Variants in WDR70 observed in about 807,000 individuals in gnomAD.
WDR70 encodes WD repeat domain 70, also known as WD repeat-containing protein 70.
WDR70 carries 53 observed loss-of-function variants against 88.6 expected under a neutral mutation model. That is an observed-to-expected ratio of 0.60 (90% CI 0.48 to 0.75). The LOEUF (loss-of-function observed/expected upper bound fraction) is 0.75. WDR70 is among the 30% of genes least tolerant of loss of function. WDR70 has a pLI of 0.00. For synonymous variants in WDR70, 280 were observed against 270.0 expected (o/e 1.04, Z -0.36); for missense variants, 610 against 823.2 (o/e 0.74, Z 3.17).
intron 10 of WDR70, among the ~76,000 whole-genome samples, chr5:37,676,790 A>C (rs1253133262): frequency 6.6e-6 from 1 of 151,976 alleles, no homozygotes; most frequent in African/African-American, 2.4e-5. Flanking sequence ...TATTGATTGG[A>C]ATAGTTTCAG....
At chr5:37,496,045 G>A (rs537979445) in intron 8 of WDR70, among the ~76,000 whole-genome samples, 6 of 152,244 alleles carry the variant, frequency 3.9e-5, no homozygotes, top group East Asian at 3.9e-4. Context: ...TTTCTGGGTC[G>A]GGTGGGGACT....
At chr5:37,587,170 A>T (rs982831715) in intron 9 of WDR70, among the ~76,000 whole-genome samples, 26 of 151,998 alleles carry the variant, frequency 1.7e-4, no homozygotes, top group African/African-American at 6.3e-4. Flanking sequence ...CTGATTGTGT[A>T]ACCTAAGTCA....
intron 17 of WDR70, among the ~76,000 whole-genome samples, chr5:37,736,536 T>C (rs1000566198): frequency 6.6e-6 from 1 of 152,134 alleles, no homozygotes; most frequent in Non-Finnish European, 1.5e-5. Context: ...ATTGTCACTC[T>C]CCACTGTATT....
In WDR70 at chr5:37,619,687, G is replaced by A. The variant is rs77018403; in HGVS notation, c.1092+14449G>A. 2.6e-5 allele frequency among the ~76,000 whole-genome samples: 4 copies of A among 151,942 alleles called. No individual in the cohort carries two copies. In the East Asian group the frequency reaches 7.7e-4, roughly 29 times the overall value. ...TGCAACTGGAGAAGTGATGCAACCA[G>A]TGATGATTTGCACTCCAAAGCTCTT... On this transcript the variant is annotated intron_variant, in intron 10 of 17. Coordinates refer to ENST00000265107, the MANE Select transcript of WDR70 (RefSeq NM_018034.4).
intron 9 of WDR70, among the ~76,000 whole-genome samples, chr5:37,524,685 G>C (rs1171395818): frequency 6.6e-6 from 1 of 152,146 alleles, no homozygotes; most frequent in Non-Finnish European, 1.5e-5. Context: ...ACACAGACTG[G>C]CAAATTGGAT....
chr5:37,398,006 A>G (rs1345330545), intron 5 of WDR70, among the ~76,000 whole-genome samples: 1 of 151,896 alleles, frequency 6.6e-6, no homozygotes, highest in Non-Finnish European at 1.5e-5. Context: ...AAAAAAAAAA[A>G]AGATATAATC....
At chr5:37,726,553 A>G (rs924047144) in intron 16 of WDR70, among the ~76,000 whole-genome samples, 1 of 152,140 alleles carries the variant, frequency 6.6e-6, no homozygotes, top group African/African-American at 2.4e-5. Flanking sequence ...AATATTGTTT[A>G]TTTTTATTAA....
At position 37,461,114 on chromosome 5, in the gene WDR70, A is replaced by AT. The variant is rs979342178; in HGVS notation, c.686+17742_686+17743insT. Among the ~76,000 whole-genome samples, 13 of 92,894 alleles carry AT rather than the reference A, an allele frequency of 1.4e-4. 1 individual carries two copies. The highest frequency in any genetic ancestry group is 2.9e-4 in the Non-Finnish European group (11 of 37,466). 60.9% of individuals were successfully genotyped at this position (92,894 alleles called of 152,430 possible). ...TAAATATTTCTAACCTCAAAAAAAA[A>AT]AAAAAAAAAAATAAAGGGTTGTGAA... On this transcript the variant is annotated intron_variant, in intron 7 of 17. Coordinates refer to ENST00000265107, the MANE Select transcript of WDR70 (RefSeq NM_018034.4).
chr5:37,576,181 A>G (rs1353618855), intron 9 of WDR70, among the ~76,000 whole-genome samples: 1 of 141,862 alleles, frequency 7.0e-6, no homozygotes, highest in Non-Finnish European at 1.5e-5. Flanking sequence ...TCCATTTAGA[A>G]TAGAATCCAG....
intron 5 of WDR70, among the ~76,000 whole-genome samples, chr5:37,414,926 G>GAGGCCTTC (rs1749651395): frequency 7.3e-6 from 1 of 136,128 alleles, no homozygotes; most frequent in African/African-American, 3.7e-5. Flanking sequence ...AGAGGACCCT[G>GAGGCCTTC]CGGCCTTCCG....
At chr5:37,508,714 A>C (rs946175832) in intron 8 of WDR70, among the ~76,000 whole-genome samples, 1 of 152,066 alleles carries the variant, frequency 6.6e-6, no homozygotes, top group Non-Finnish European at 1.5e-5. Flanking sequence ...CTTAGCTTTT[A>C]TGTTGATGAG....
intron 9 of WDR70, among the ~76,000 whole-genome samples, chr5:37,596,565 T>C (rs1039426122): frequency 6.6e-6 from 1 of 152,174 alleles, no homozygotes; most frequent in African/African-American, 2.4e-5. Context: ...GTGGATATGA[T>C]GGCTGTGCAC....
intron 9 of WDR70, among the ~76,000 whole-genome samples, chr5:37,535,418 T>C (rs1741635401): frequency 6.6e-6 from 1 of 152,094 alleles, no homozygotes; most frequent in African/African-American, 2.4e-5. Flanking sequence ...GAAATGAGTT[T>C]GGAAAAGAGG....
At chr5:37,622,949 A>G (rs1052075903) in intron 10 of WDR70, among the ~76,000 whole-genome samples, 1 of 152,230 alleles carries the variant, frequency 6.6e-6, no homozygotes, top group Non-Finnish European at 1.5e-5. Context: ...GTGATTCTAA[A>G]TAGAATATAG....
chr5:37,467,014 T>A (rs554484272), intron 7 of WDR70, among the ~76,000 whole-genome samples: 2 of 151,994 alleles, frequency 1.3e-5, no homozygotes, highest in Non-Finnish European at 2.9e-5. Context: ...GGCAAGTGGA[T>A]CACTTGAGCT....
rs553732671 is a variant in WDR70, at chr5:37,736,007, A to G, written c.1877+8962A>G. Among the ~76,000 whole-genome samples the G allele has an allele frequency of 2.6e-5, 4 of 152,290 alleles. No individual in the cohort carries two copies. The South Asian group carries it at 8.3e-4, about 32-fold the overall frequency. On this transcript the variant is annotated intron_variant, in intron 17 of 17. Transcript: ENST00000265107. ...GCCCTAGCAATGTAACAGCCATGAAAATTTTCAAACACAGCAGGATCACAG... is the reference window on the plus strand; with the variant it reads ...GCCCTAGCAATGTAACAGCCATGAAGATTTTCAAACACAGCAGGATCACAG...
chr5:37,663,613 G>A (rs753555285), intron 10 of WDR70, among the ~76,000 whole-genome samples: 2 of 151,986 alleles, frequency 1.3e-5, no homozygotes, highest in African/African-American at 2.4e-5. Context: ...TCTGGTTTAC[G>A]TTACAACCCC....
At chr5:37,394,583 G>A (rs1561835809) in intron 4 of WDR70, among the ~76,000 whole-genome samples, 1 of 152,174 alleles carries the variant, frequency 6.6e-6, no homozygotes, top group Non-Finnish European at 1.5e-5. Context: ...GGCATGTAAT[G>A]AAGATAAACA....
chr5:37,568,315 C>T (rs1360167515), intron 9 of WDR70, among the ~76,000 whole-genome samples: 1 of 152,096 alleles, frequency 6.6e-6, no homozygotes, highest in East Asian at 1.9e-4. Context: ...TGGTCCTTAC[C>T]TTAAGTTTTA....
Sources: gnomAD v4.1 joint callset for allele counts (sites outside exome capture counted in the v4.1 genomes callset) on GRCh38, gnomAD v4.1.1 for gene constraint, MANE v1.5 for transcripts, NCBI Gene and HGNC (gene_info 2026-07-23, HGNC 2026-07-21) for gene names.